CLGN: variants seen among roughly 807,000 people sequenced by gnomAD.
CLGN encodes calmegin.
Under a neutral mutation model 79.1 loss-of-function variants are expected in CLGN, and 62 were observed. That is an observed-to-expected ratio of 0.78 (90% CI 0.64 to 0.97). The LOEUF (loss-of-function observed/expected upper bound fraction) is 0.97. Ranked by LOEUF, CLGN falls within the 50% of genes least tolerant of loss-of-function variation. The pLI is 0.00. For synonymous variants in CLGN, 225 were observed against 224.7 expected, an observed-to-expected ratio of 1.00 and a Z score of -0.01; for missense variants, 647 against 715.5, an observed-to-expected ratio of 0.90 and a Z score of 1.09.
intron 2 of CLGN, among the ~76,000 whole-genome samples, chr4:140,412,675 G>A (rs770491196): frequency 5.9e-5 from 9 of 151,992 alleles, no homozygotes; most frequent in East Asian, 1.9e-4. Context: ...TCTTTAATCC[G>A]TGACAAACTC....
At position 140,412,336 on chromosome 4, in the gene CLGN, G is replaced by A. The variant is rs1035660770; in HGVS notation, c.144+599C>T. On this transcript the variant is annotated intron_variant, in intron 2 of 14. Coordinates refer to ENST00000325617, the MANE Select transcript of CLGN (RefSeq NM_004362.3). ...CCAAAAATATCTCTGATTATCACAA[G>A]GTTAGATATGAATATTCCTCAATGT... Among the ~76,000 whole-genome samples, 3 of 152,204 alleles carry A rather than the reference G, an allele frequency of 2.0e-5. No homozygotes were observed. In the East Asian group the frequency reaches 5.8e-4, roughly 29 times the overall value.
intron 4 of CLGN, among the ~76,000 whole-genome samples, chr4:140,408,973 G>A (rs1186229660): frequency 1.3e-5 from 2 of 151,102 alleles, no homozygotes; most frequent in South Asian, 4.2e-4. Flanking sequence ...ATATACACAG[G>A]GGATTTGCTG....
Position 140,395,972 on chromosome 4 carries a change from T to G in CLGN, c.999-3A>C. 6.3e-7 allele frequency: 1 copy of G among 1,597,944 alleles called. No homozygotes were observed. The highest frequency in any genetic ancestry group is 8.5e-7 in the Non-Finnish European group (1 of 1,173,816). Reference sequence around the variant, plus strand: ...ATTCTCCATCCGTGTCTTCATTCCTTAGGATATTAAAACAAAGCAAATACA... The same window carrying G: ...ATTCTCCATCCGTGTCTTCATTCCTGAGGATATTAAAACAAAGCAAATACA... On this transcript the variant is annotated splice_polypyrimidine_tract_variant and splice_region_variant and intron_variant, in intron 9 of 14. Transcript: ENST00000325617.
rs72939855 is a variant in CLGN, at chr4:140,403,534, C to T, written c.420-1468G>A. Reference sequence around the variant, plus strand: ...GTATTTGAAGACTATAAGTAGAACACGTGGTGCATGATATGACTTAAAGGT... The same window carrying T: ...GTATTTGAAGACTATAAGTAGAACATGTGGTGCATGATATGACTTAAAGGT... On this transcript the variant is annotated intron_variant, in intron 5 of 14. Transcript: ENST00000325617. Among the ~76,000 whole-genome samples the T allele has an allele frequency of 7.8e-3, 1,180 of 152,000 alleles. 11 individuals carry two copies. The highest frequency in any genetic ancestry group is 0.026 in the African/African-American group (1,079 of 41,440).
In CLGN at chr4:140,389,008, G is replaced by A. The variant is rs935941999; in HGVS notation, c.*216C>T. ...GGTATTAATCTCTTAGATCCGATAT[G>A]TAATGTGCCACTTTTATTCTAAATT... On this transcript the variant is annotated 3_prime_UTR_variant, in exon 15 of 15. Transcript: ENST00000325617. The A allele has an allele frequency of 1.9e-6, 1 of 532,410 alleles. No individual in the cohort carries two copies. Among genetic ancestry groups the A allele is most frequent in the African/African-American group, 1.9e-5 (1 of 52,568 alleles). 33.0% of individuals were successfully genotyped at this position (532,410 alleles called of 1,614,324 possible).
intron 13 of CLGN, among the ~76,000 whole-genome samples, chr4:140,391,446 C>T (rs1444412466): frequency 6.6e-6 from 1 of 151,808 alleles, no homozygotes; most frequent in African/African-American, 2.4e-5. Context: ...CAACCTGAAA[C>T]ATTTGTTGTT....
chr4:140,392,533 T>TA, intron 12 of CLGN, 53 bp downstream of exon 12: 1 of 1,553,466 alleles, frequency 6.4e-7, no homozygotes, highest in South Asian at 1.2e-5. Flanking sequence ...ATAGAACTCT[T>TA]AAACAACAAG....
rs750358605 is a variant in CLGN, at chr4:140,392,382, T to C, written c.1492-4A>G. 5.7e-6 allele frequency: 9 copies of C among 1,584,194 alleles called. No homozygotes were observed. The highest frequency in any genetic ancestry group is 6.8e-6 in the Non-Finnish European group (8 of 1,170,762). ...ACTCTGTATCTTTATGTTTTTTCTG[T>C]GGTAGTTAACATAAGTTATTTTTAC... On this transcript the variant is annotated splice_polypyrimidine_tract_variant and splice_region_variant and intron_variant, in intron 12 of 14. Coordinates refer to ENST00000325617, the MANE Select transcript of CLGN (RefSeq NM_004362.3).
chr4:140,399,590 T>A (rs1458760155), intron 7 of CLGN, among the ~76,000 whole-genome samples: 1 of 152,218 alleles, frequency 6.6e-6, no homozygotes, highest in Non-Finnish European at 1.5e-5. Flanking sequence ...TTTCTACCAC[T>A]GCAGCATTTG....
Position 140,395,867 on chromosome 4 carries a change from T to C in CLGN, c.1101A>G (p.Lys367=), listed in dbSNP as rs186875887. The C allele has an allele frequency of 1.4e-5, 23 of 1,590,580 alleles. No homozygotes were observed. The highest frequency in any genetic ancestry group is 3.4e-4 in the Middle Eastern group (2 of 5,924). ...EWKPPMIDNP[K]YKGVWRPPLV... Reference sequence around the variant, plus strand: ...GTGGAGGTCTCCATACTCCTTTGTATTTTGGGTTATCTATCATGGGAGGTT... The same window carrying C: ...GTGGAGGTCTCCATACTCCTTTGTACTTTGGGTTATCTATCATGGGAGGTT... Residue 367 remains lysine (K), a synonymous_variant, in exon 10 of 15, where the codon AAA becomes AAG. Transcript: ENST00000325617.
At chr4:140,412,196 A>G (rs930545647) in intron 2 of CLGN, among the ~76,000 whole-genome samples, 4 of 152,178 alleles carry the variant, frequency 2.6e-5, no homozygotes, top group African/African-American at 9.6e-5. Flanking sequence ...CACATTTGCC[A>G]ATGAAAAATT....
At chr4:140,421,471 T>G (rs1195588437) in intron 1 of CLGN, among the ~76,000 whole-genome samples, 1 of 152,150 alleles carries the variant, frequency 6.6e-6, no homozygotes, top group Non-Finnish European at 1.5e-5. Flanking sequence ...CAAAATTATG[T>G]TTTTTTAAAT....
At chr4:140,390,765 A>T (rs775309450) in intron 13 of CLGN, 37 bp from the exon 14 acceptor site, 1 of 1,410,710 alleles carries the variant, frequency 7.1e-7, no homozygotes, top group Middle Eastern at 1.8e-4. Context: ...AAGACTCAAT[A>T]AATTAGAATT....
chr4:140,399,558 G>C (rs941495008), intron 7 of CLGN, among the ~76,000 whole-genome samples: 1 of 152,172 alleles, frequency 6.6e-6, no homozygotes, highest in Non-Finnish European at 1.5e-5. Context: ...AATGGGCATT[G>C]CCCGAGCAGA....
rs1728755640 is a variant in CLGN, at chr4:140,390,653, G to T, written c.1727C>A (p.Ser576Ter). The change falls in exon 14 of 15, where the codon TCA becomes TAA. Residue 576 changes from serine to a stop codon, truncating the protein, a stop_gained. Coordinates refer to ENST00000325617, the MANE Select transcript of CLGN (RefSeq NM_004362.3). LOFTEE classifies it high-confidence loss of function. ...CTCATCCTCTGACCCAGACTTATTT[G>T]ATTGATTACTTTCTTCTTGCCCTTC... ...IIEGQEESNQSNKSGSEDEMK... is the reference protein window; with the variant it reads ...IIEGQEESNQ 6.2e-7 allele frequency: 1 copy of T among 1,600,212 alleles called. No individual in the cohort carries two copies. The highest frequency in any genetic ancestry group is 8.5e-7 in the Non-Finnish European group (1 of 1,172,150).
intron 5 of CLGN, 120 bp downstream of exon 5, chr4:140,405,822 A>C: frequency 1.1e-6 from 1 of 941,880 alleles, no homozygotes; most frequent in Non-Finnish European, 1.6e-6. Flanking sequence ...TGTTTTAACT[A>C]AGTGAAACGA....
chr4:140,395,722 G>C, intron 10 of CLGN, 97 bp downstream of exon 10: 2 of 1,061,924 alleles, frequency 1.9e-6, no homozygotes, highest in Non-Finnish European at 2.5e-6. Flanking sequence ...AATTAAAAAT[G>C]AAACTTCCAA....
chr4:140,426,817 T>C (rs770357103), intron 1 of CLGN: 12 of 152,244 alleles, frequency 7.9e-5, no homozygotes, highest in Non-Finnish European at 1.3e-4. Context: ...AAGTGTCTGA[T>C]TGATGGTAAA....
intron 1 of CLGN, among the ~76,000 whole-genome samples, chr4:140,414,856 A>G (rs1578605890): frequency 6.6e-6 from 1 of 150,898 alleles, no homozygotes; most frequent in East Asian, 1.9e-4. Context: ...AGAACGCCAC[A>G]AAGATACTCT....
Sources: gnomAD v4.1 joint callset for allele counts (sites outside exome capture counted in the v4.1 genomes callset) on GRCh38, gnomAD v4.1.1 for gene constraint, MANE v1.5 for transcripts, NCBI Gene and HGNC (gene_info 2026-07-23, HGNC 2026-07-21) for gene names.